The following RAB3C variants were observed in gnomAD, a reference collection of about 807,000 sequenced individuals.
RAB3C encodes the protein RAB3C, member RAS oncogene family, also known as ras-related protein Rab-3C.
RAB3C carries 17 observed loss-of-function variants against 26.4 expected under a neutral mutation model. The ratio of observed to expected loss-of-function variants is 0.64; its 90% CI spans 0.44 to 0.97. The LOEUF is 0.97. Ranked by LOEUF, RAB3C falls within the 50% of genes least tolerant of loss-of-function variation. The probability of loss-of-function intolerance (pLI) is 0.00; values close to 1 mark genes in which losing one functional copy is unlikely to be tolerated. For synonymous variants in RAB3C, 91 were observed against 95.9 expected, an observed-to-expected ratio of 0.95 and a Z score of 0.30; for missense variants, 242 against 281.9, an observed-to-expected ratio of 0.86 and a Z score of 1.01.
At chr5:58,706,878 G>A (rs1191795916) in intron 2 of RAB3C, among the ~76,000 whole-genome samples, 3 of 152,196 alleles carry the variant, frequency 2.0e-5, no homozygotes, top group South Asian at 4.1e-4. Context: ...TGAGACAAAG[G>A]GTTTTCATCC....
chr5:58,667,752 T>C (rs1748031895), intron 2 of RAB3C, among the ~76,000 whole-genome samples: 2 of 152,164 alleles, frequency 1.3e-5, no homozygotes. Context: ...GAAGAATCAA[T>C]AGCATTTTAA....
At chr5:58,848,619 T>C (rs1445860391) in intron 4 of RAB3C, 2 of 152,234 alleles carry the variant, frequency 1.3e-5, no homozygotes, top group Non-Finnish European at 2.9e-5. Context: ...CTCTGAATAG[T>C]ACCTATTATA....
chr5:58,618,896 C>T (rs192143169), intron 2 of RAB3C, among the ~76,000 whole-genome samples: 2 of 152,212 alleles, frequency 1.3e-5, no homozygotes, highest in East Asian at 3.9e-4. Context: ...GTGCTGGTGC[C>T]AGGATTGATC....
intron 2 of RAB3C, among the ~76,000 whole-genome samples, chr5:58,687,227 C>G (rs866548667): frequency 2.6e-5 from 4 of 152,184 alleles, no homozygotes; most frequent in Middle Eastern, 6.8e-3. Context: ...CTGCTATCTT[C>G]GCAAAATGTG....
At chr5:58,818,439 G>T (rs1214444931) in intron 3 of RAB3C, among the ~76,000 whole-genome samples, 2 of 152,186 alleles carry the variant, frequency 1.3e-5, no homozygotes, top group African/African-American at 2.4e-5. Context: ...GATAAATTAT[G>T]CTTTCCTCCT....
At chr5:58,818,179 A>G (rs959986397) in intron 3 of RAB3C, among the ~76,000 whole-genome samples, 1 of 152,202 alleles carries the variant, frequency 6.6e-6, no homozygotes, top group Non-Finnish European at 1.5e-5. Flanking sequence ...GTCATTCTCC[A>G]TGAGAAGAGG....
At chr5:58,824,351 T>G (rs2112057725) in intron 3 of RAB3C, among the ~76,000 whole-genome samples, 1 of 152,226 alleles carries the variant, frequency 6.6e-6, no homozygotes, top group East Asian at 1.9e-4. Flanking sequence ...GGTTAATTTG[T>G]GTCATGAATC....
At chr5:58,672,372 G>A (rs1192102944) in intron 2 of RAB3C, among the ~76,000 whole-genome samples, 1 of 152,136 alleles carries the variant, frequency 6.6e-6, no homozygotes, top group Non-Finnish European at 1.5e-5. Flanking sequence ...TAATGCAGTG[G>A]AATACACAAC....
chr5:58,803,028 G>T (rs1175593684), intron 3 of RAB3C, among the ~76,000 whole-genome samples: 2 of 152,170 alleles, frequency 1.3e-5, no homozygotes, highest in Non-Finnish European at 2.9e-5. Flanking sequence ...TAAGACAAAG[G>T]TAGTACCCAT....
intron 2 of RAB3C, among the ~76,000 whole-genome samples, chr5:58,632,066 C>T (rs776589154): frequency 6.6e-6 from 1 of 152,174 alleles, no homozygotes; most frequent in Non-Finnish European, 1.5e-5. Flanking sequence ...TTCAGCCTGG[C>T]CTTGATGGTG....
chr5:58,760,432 A>G (rs941678719), intron 3 of RAB3C, among the ~76,000 whole-genome samples: 5 of 152,206 alleles, frequency 3.3e-5, no homozygotes, highest in Admixed American at 2.0e-4. Flanking sequence ...TGCCTACACC[A>G]TAGGATTGTT....
chr5:58,651,271 A>G (rs1202174428), intron 2 of RAB3C, among the ~76,000 whole-genome samples: 1 of 152,116 alleles, frequency 6.6e-6, no homozygotes, highest in Non-Finnish European at 1.5e-5. Context: ...ATCATGACTG[A>G]CACTGAGTGT....
chr5:58,700,134 AAGG>A (rs1748811126), intron 2 of RAB3C, among the ~76,000 whole-genome samples: 2 of 152,204 alleles, frequency 1.3e-5, no homozygotes, highest in African/African-American at 4.8e-5. Flanking sequence ...ATTAAATTGA[AAGG>A]TAGACCCCAT....
At chr5:58,717,082 T>A (rs1420482100) in intron 2 of RAB3C, among the ~76,000 whole-genome samples, 1 of 152,064 alleles carries the variant, frequency 6.6e-6, no homozygotes, top group African/African-American at 2.4e-5. Context: ...TTATGAGATA[T>A]CTCCGTATTT....
At chr5:58,700,649 A>C (rs1257551943) in intron 2 of RAB3C, among the ~76,000 whole-genome samples, 1 of 152,230 alleles carries the variant, frequency 6.6e-6, no homozygotes, top group African/African-American at 2.4e-5. Flanking sequence ...ATTGTAGTTT[A>C]TGAACCACTT....
intron 2 of RAB3C, among the ~76,000 whole-genome samples, chr5:58,690,146 T>C (rs1748538335): frequency 6.6e-6 from 1 of 152,156 alleles, no homozygotes; most frequent in African/African-American, 2.4e-5. Context: ...TATATAGACC[T>C]GAATGACCCA....
chr5:58,624,520 T>G (rs909767950), intron 2 of RAB3C, among the ~76,000 whole-genome samples: 2 of 152,150 alleles, frequency 1.3e-5, no homozygotes, highest in African/African-American at 4.8e-5. Context: ...TATGAATAAG[T>G]GACAGAAAGC....
At chr5:58,751,045 A>T (rs1741512384) in intron 3 of RAB3C, among the ~76,000 whole-genome samples, 1 of 151,956 alleles carries the variant, frequency 6.6e-6, no homozygotes, top group Admixed American at 6.6e-5. Context: ...GTGGAGACGG[A>T]GTTTCACCAC....
At chr5:58,790,956 C>T (rs1253643910) in intron 3 of RAB3C, among the ~76,000 whole-genome samples, 1 of 151,992 alleles carries the variant, frequency 6.6e-6, no homozygotes. Flanking sequence ...TCTTGTTCCT[C>T]CTTTCTCACT....
Sources: allele counts gnomAD v4.1 joint callset (sites outside exome capture counted in the v4.1 genomes callset), GRCh38; gene constraint gnomAD v4.1.1; transcripts MANE v1.5; gene names NCBI Gene and HGNC (gene_info 2026-07-23, HGNC 2026-07-21).